DENND3: variants seen among roughly 807,000 people sequenced by gnomAD.
The protein encoded by DENND3 is DENN domain containing 3, also known as DENN domain-containing protein 3.
Under a neutral mutation model 135.1 loss-of-function variants are expected in DENND3, and 88 were observed. The ratio of observed to expected loss-of-function variants is 0.65; its 90% CI spans 0.55 to 0.78. The LOEUF (loss-of-function observed/expected upper bound fraction) is 0.78. Among genes scored for constraint, DENND3 ranks in the 30% least tolerant of loss-of-function variants. DENND3 has a pLI of 0.00. For synonymous variants in DENND3, 693 were observed against 712.3 expected (o/e 0.97, Z 0.43); for missense variants, 1,392 against 1,688.4 (o/e 0.82, Z 3.08).
In DENND3 at chr8:141,138,273, T is replaced by G; in HGVS notation, c.501+136T>G. 1 of 925,992 alleles carries G rather than the reference T, an allele frequency of 1.1e-6. No homozygotes were observed. The highest frequency in any genetic ancestry group is 1.6e-6 in the Non-Finnish European group (1 of 612,808). 57.4% of individuals were successfully genotyped at this position (925,992 alleles called of 1,614,324 possible). ...GTAACATTAAGTACATTCACAGCATTGTGCAACCACCACCAATGTCTAGGT... is the reference window on the plus strand; with the variant it reads ...GTAACATTAAGTACATTCACAGCATGGTGCAACCACCACCAATGTCTAGGT... On this transcript the variant is annotated intron_variant, in intron 3 of 22. Transcript: ENST00000519811. The surrounding 1 kb of genome is among the most constrained non-coding windows in gnomAD (Gnocchi z 4.8).
intron 16 of DENND3, among the ~76,000 whole-genome samples, chr8:141,180,131 A>T (rs533644771): frequency 6.6e-6 from 1 of 152,246 alleles, no homozygotes; most frequent in African/African-American, 2.4e-5. Flanking sequence ...ACGGGGGGCG[A>T]TGTTGCACCC....
rs138968166 is a variant in DENND3, at chr8:141,151,687, G to C, written c.924G>C (p.Leu308=). Residue 308 remains leucine (L), a synonymous_variant, in exon 7 of 23, where the codon CTG becomes CTC. Transcript: ENST00000519811. ...FFSSDWALLT[L]VTECFMAYLY... ...CCTCGGACTGGGCTCTGCTGACGCT[G>C]GTCACTGAGTGCTTCATGGCCTACC... 2.5e-6 allele frequency: 4 copies of C among 1,614,006 alleles called. No homozygotes were observed. Among genetic ancestry groups the C allele is most frequent in the African/African-American group, 1.3e-5 (1 of 74,894 alleles).
In DENND3 at chr8:141,137,847, C is replaced by T. The variant is rs975470828; in HGVS notation, c.386-175C>T. ...AGAAATTGCTGTGTGGGGAGGGACT[C>T]AGGGAGGATAGACGGCCGGAGGCGT... On this transcript the variant is annotated intron_variant, in intron 2 of 22. Coordinates refer to ENST00000519811, the MANE Select transcript of DENND3 (RefSeq NM_001352890.3). This position sits in a 1 kb window ranked among gnomAD's most constrained non-coding sequence, Gnocchi z 4.1. Among the ~76,000 whole-genome samples the T allele has an allele frequency of 2.0e-5, 3 of 152,186 alleles. No homozygotes were observed. The highest frequency in any genetic ancestry group is 2.9e-5 in the Non-Finnish European group (2 of 68,026).
intron 18 of DENND3, among the ~76,000 whole-genome samples, chr8:141,185,843 A>G (rs1398700843): frequency 6.6e-6 from 1 of 151,864 alleles, no homozygotes; most frequent in African/African-American, 2.4e-5. Context: ...AAATAATAAT[A>G]ATAATAAAAT....
chr8:141,149,035 C>A (rs1330493427), intron 5 of DENND3, among the ~76,000 whole-genome samples: 1 of 151,956 alleles, frequency 6.6e-6, no homozygotes, highest in Non-Finnish European at 1.5e-5. Flanking sequence ...CTCAACCTCC[C>A]GAGTAGCTGG....
intron 8 of DENND3, among the ~76,000 whole-genome samples, chr8:141,159,207 C>T (rs112348136): frequency 3.3e-5 from 5 of 152,188 alleles, no homozygotes; most frequent in African/African-American, 1.2e-4. Flanking sequence ...TGCTACCATC[C>T]CCTGGTGGGC....
In DENND3 at chr8:141,180,752, A is replaced by G. The variant is rs776914512; in HGVS notation, c.2842A>G (p.Met948Val). Reference sequence around the variant, plus strand: ...CCAAGTGTCTTGTCTTTCAGTGCCCATGACGCTTCCGGAGACAACCCTGGA... The same window carrying G: ...CCAAGTGTCTTGTCTTTCAGTGCCCGTGACGCTTCCGGAGACAACCCTGGA... ...YFDKMSNEMPMTLPETTLETL... is the reference protein window; with the variant it reads ...YFDKMSNEMPVTLPETTLETL... Residue 948 changes from methionine (M) to valine (V), a missense_variant, in exon 17 of 23, where the codon ATG becomes GTG. Physicochemically the swap from Met to Val is conservative, Grantham distance 21 (BLOSUM62 1). Transcript: ENST00000519811. 4.3e-6 allele frequency: 7 copies of G among 1,612,720 alleles called. No homozygotes were observed. The highest frequency in any genetic ancestry group is 2.7e-5 in the African/African-American group (2 of 74,904).
Position 141,139,433 on chromosome 8 carries a change from G to A in DENND3, c.501+1296G>A, listed in dbSNP as rs549432254. ...CTGGGAGAGGTCATTTTCACAGTGT[G>A]CCAAGAGCAGAACCAAGGTCAGCTC... On this transcript the variant is annotated intron_variant, in intron 3 of 22. Transcript: ENST00000519811. The surrounding 1 kb of genome is among the most constrained non-coding windows in gnomAD (Gnocchi z 4.2). Among the ~76,000 whole-genome samples, 12 of 152,272 alleles carry A rather than the reference G, an allele frequency of 7.9e-5. No individual in the cohort carries two copies. In the South Asian group the frequency reaches 2.5e-3, roughly 32 times the overall value.
chr8:141,174,527 C>T lies in DENND3; in HGVS notation c.2276-673C>T, dbSNP rs1822072722. 6.6e-6 allele frequency among the ~76,000 whole-genome samples: 1 copy of T among 152,146 alleles called. No individual in the cohort carries two copies. The highest frequency in any genetic ancestry group is 2.1e-4 in the South Asian group (1 of 4,830). On this transcript the variant is annotated intron_variant, in intron 13 of 22. Transcript: ENST00000519811. The surrounding 1 kb of genome is among the most constrained non-coding windows in gnomAD (Gnocchi z 4.6). ...CCGCTGACAGATAAGCAGGTTCGTT[C>T]CGCGACTTGCCAGGAGTCTCTGTGA... is the stretch of plus-strand genomic sequence containing the variant.
intron 13 of DENND3, among the ~76,000 whole-genome samples, chr8:141,170,318 T>C (rs1291450325): frequency 1.3e-5 from 2 of 152,214 alleles, no homozygotes; most frequent in South Asian, 2.1e-4. Flanking sequence ...TCCTTGCTTA[T>C]CGTGCCCGTG....
intron 13 of DENND3, among the ~76,000 whole-genome samples, chr8:141,172,869 C>G (rs1020269406): frequency 6.6e-6 from 1 of 151,912 alleles, no homozygotes; most frequent in African/African-American, 2.4e-5. Flanking sequence ...TATGATCACG[C>G]CACTGCACTC....
chr8:141,162,440 G>C (rs1225346476), intron 9 of DENND3, among the ~76,000 whole-genome samples: 2 of 152,056 alleles, frequency 1.3e-5, no homozygotes, highest in Non-Finnish European at 2.9e-5. Flanking sequence ...TTAAAAAAAA[G>C]AGGCAGAAAA....
chr8:141,167,267 CTCT>C lies in DENND3; in HGVS notation c.1754-733_1754-731del, dbSNP rs1323188239. Among the ~76,000 whole-genome samples, 1 of 152,340 alleles carries C rather than the reference CTCT, an allele frequency of 6.6e-6. No homozygotes were observed. The highest frequency in any genetic ancestry group is 1.9e-4 in the East Asian group (1 of 5,188). On this transcript the variant is annotated intron_variant, in intron 12 of 22. Coordinates refer to ENST00000519811, the MANE Select transcript of DENND3 (RefSeq NM_001352890.3). The surrounding 1 kb of genome is among the most constrained non-coding windows in gnomAD (Gnocchi z 4.1). ...CTTCACCTCCCTGGTTCTGCAGTTC[CTCT>C]TCTGAACATCTGTCAGTCTGCCGCT... is the stretch of plus-strand genomic sequence containing the variant.
chr8:141,143,314 C>T (rs1190165441), intron 4 of DENND3, among the ~76,000 whole-genome samples: 1 of 152,120 alleles, frequency 6.6e-6, no homozygotes, highest in Non-Finnish European at 1.5e-5. Flanking sequence ...GGTACATGTG[C>T]ACAACGTGCA....
In DENND3 at chr8:141,134,995, A is replaced by C. The variant is rs1026582092; in HGVS notation, c.103-1514A>C. Among the ~76,000 whole-genome samples the C allele has an allele frequency of 5.9e-5, 9 of 151,800 alleles. No homozygotes were observed. In the East Asian group the frequency reaches 1.8e-3, roughly 30 times the overall value. ...CTGGGACTGCAGGCATGCGCCACCA[A>C]GCCCGGCTAATTTTTTTGTATTTTT... On this transcript the variant is annotated intron_variant, in intron 1 of 22. Transcript: ENST00000519811.
chr8:141,177,283 T>C (rs1822505028), intron 15 of DENND3: 1 of 155,066 alleles, frequency 6.4e-6, no homozygotes, highest in African/African-American at 2.4e-5. Flanking sequence ...GACAATTGCA[T>C]AGTAATGAAG....
chr8:141,150,995 C>A, intron 6 of DENND3, 42 bp downstream of exon 6: 1 of 1,479,588 alleles, frequency 6.8e-7, no homozygotes, highest in Non-Finnish European at 9.0e-7. Flanking sequence ...GTGCTCCCTG[C>A]CTTAGTGGGG....
rs1290392077 is a variant in DENND3 at position 141,182,359 on chromosome 8, G to A, written c.2944+1505G>A. 1.0e-6 allele frequency: 1 copy of A among 985,350 alleles called. No homozygotes were observed. The highest frequency in any genetic ancestry group is 1.2e-6 in the Non-Finnish European group (1 of 829,946). 61.0% of individuals were successfully genotyped at this position (985,350 alleles called of 1,614,324 possible). On this transcript the variant is annotated intron_variant, in intron 17 of 22. Transcript: ENST00000519811. The surrounding 1 kb of genome is among the most constrained non-coding windows in gnomAD (Gnocchi z 5.9). ...GGAACGCGATAGACCCTGGCTGAGTGAGCAGGCAGCGTCATCAGGGCCGCC... is the reference window on the plus strand; with the variant it reads ...GGAACGCGATAGACCCTGGCTGAGTAAGCAGGCAGCGTCATCAGGGCCGCC...
rs1821083185 is a variant in DENND3 at position 141,168,432 on chromosome 8, A to G, written c.2182A>G (p.Met728Val). The change falls in exon 13 of 23, where the codon ATG (methionine) becomes GTG (valine). Residue 728 changes from methionine to valine, a missense_variant. Met to Val is a conservative substitution (Grantham distance 21). Coordinates refer to ENST00000519811, the MANE Select transcript of DENND3 (RefSeq NM_001352890.3). The surrounding 1 kb of genome is among the most constrained non-coding windows in gnomAD (Gnocchi z 6.2). Reference sequence around the variant, plus strand: ...GAAGTTCAAGCTGCCCAAGAAGCACATGCAGCTGGGCGACTTCATGAAGCG... The same window carrying G: ...GAAGTTCAAGCTGCCCAAGAAGCACGTGCAGCTGGGCGACTTCATGAAGCG... Reference protein sequence around the residue: ...VKKFKLPKKHMQLGDFMKRVQ... With the variant: ...VKKFKLPKKHVQLGDFMKRVQ... 1.2e-6 allele frequency: 2 copies of G among 1,613,862 alleles called. No homozygotes were observed. Among genetic ancestry groups the G allele is most frequent in the Non-Finnish European group, 1.7e-6 (2 of 1,180,030 alleles).
Sources: allele counts gnomAD v4.1 joint callset (sites outside exome capture counted in the v4.1 genomes callset), GRCh38; gene constraint gnomAD v4.1.1; non-coding constraint Gnocchi (gnomAD v3.1); transcripts MANE v1.5; gene names NCBI Gene and HGNC (gene_info 2026-07-23, HGNC 2026-07-21).